Variants in SSX3 observed in about 807,000 individuals in gnomAD.
SSX3 encodes protein SSX3.
A neutral mutation model predicts 14.8 loss-of-function variants in SSX3; 6 were observed. The observed-to-expected ratio is 0.41, with a 90% CI of 0.22 to 0.80. SSX3 has a LOEUF of 0.80. Among genes scored for constraint, SSX3 ranks in the 30% least tolerant of loss-of-function variants. The probability of loss-of-function intolerance (pLI) is 0.34; values close to 1 mark genes in which losing one functional copy is unlikely to be tolerated. For synonymous variants in SSX3, 55 were observed against 52.9 expected (o/e 1.04, Z -0.18); for missense variants, 163 against 152.2 (o/e 1.07, Z -0.37).
intron 6 of SSX3, among the ~76,000 whole-genome samples, chrX:48,348,832 A>C (rs2061249353): frequency 8.9e-6 from 1 of 112,463 alleles, no homozygotes; most frequent in Non-Finnish European, 1.9e-5. Flanking sequence ...CTTAAGCCAA[A>C]GTCTAATTCA....
Position 48,355,037 on chromosome X carries a change from T to TGA in SSX3, c.69+142_69+143dup, listed in dbSNP as rs1346730934. ...CCAGGGATGCTAGGTGATGACAGAG[T>TGA]GAGGGTGGGAGGCTCCCAAGGGTCC... is the stretch of plus-strand genomic sequence containing the variant. On this transcript the variant is annotated intron_variant, in intron 2 of 7. Coordinates refer to ENST00000298396, the MANE Select transcript of SSX3 (RefSeq NM_021014.4). 1.6e-5 allele frequency: 19 copies of TGA among 1,200,563 alleles called. No homozygotes were observed. The African/African-American group carries it at 3.3e-4, about 21-fold the overall frequency.
At chrX:48,347,414 G>C (rs1470811437) in intron 7 of SSX3, 86 bp downstream of exon 7, 5 of 1,160,466 alleles carry the variant, frequency 4.3e-6, no homozygotes, top group African/African-American at 3.6e-5. Flanking sequence ...GAATGATTTG[G>C]GGAGCAAGTG....
chrX:48,352,331 A>C (rs1251964825), intron 4 of SSX3, 182 bp from the exon 5 acceptor site: 3 of 529,754 alleles, frequency 5.7e-6, no homozygotes, highest in East Asian at 4.0e-5. Context: ...CTGTGGCATC[A>C]ATTCAGAATT....
Position 48,346,959 on chromosome X carries a change from G to A in SSX3, c.*81C>T, listed in dbSNP as rs1177513668. ...CTTGCTATGCACCTGATGACGAGGG[G>A]TCCACAGCCATGCCCATGTTCGTGA... On this transcript the variant is annotated 3_prime_UTR_variant, in exon 8 of 8. Coordinates refer to ENST00000298396, the MANE Select transcript of SSX3 (RefSeq NM_021014.4). The A allele has an allele frequency of 1.7e-6, 2 of 1,193,905 alleles. No individual in the cohort carries two copies. The highest frequency in any genetic ancestry group is 3.5e-5 in the African/African-American group (2 of 56,873).
chrX:48,352,860 T>G (rs1556950182), intron 4 of SSX3, among the ~76,000 whole-genome samples: 1 of 112,375 alleles, frequency 8.9e-6, no homozygotes, highest in Non-Finnish European at 1.9e-5. Flanking sequence ...CATCCTATGT[T>G]ATCTCTGTTC....
intron 3 of SSX3, 89 bp from the exon 4 acceptor site, chrX:48,354,183 C>T: frequency 1.2e-6 from 1 of 842,669 alleles, no homozygotes; most frequent in Non-Finnish European, 1.8e-6. Flanking sequence ...CTTTGGGAGG[C>T]TAAGGCTGGA....
At chrX:48,351,264 C>T (rs1556949788) in intron 5 of SSX3, among the ~76,000 whole-genome samples, 1 of 111,933 alleles carries the variant, frequency 8.9e-6, no homozygotes, top group Non-Finnish European at 1.9e-5. Context: ...CTTTACCCTC[C>T]AAACCAGAGT....
At chrX:48,355,302 G>A (rs782753901) in intron 1 of SSX3, 33 bp from the exon 2 acceptor site, 75 of 1,166,468 alleles carry the variant, frequency 6.4e-5, no homozygotes, top group African/African-American at 1.4e-4. Flanking sequence ...CTTTCCAGCC[G>A]CAGGACCTTT....
At position 48,354,701 on chromosome X, in the gene SSX3, T is replaced by C; in HGVS notation, c.115A>G (p.Lys39Glu). The C allele has an allele frequency of 8.3e-7, 1 of 1,209,342 alleles. No individual in the cohort carries two copies. The highest frequency in any genetic ancestry group is 1.1e-6 in the Non-Finnish European group (1 of 894,208). The stretch of plus-strand genomic sequence containing the variant: ...ACGATTTTCTCCGAGACTTTCATCT[T>C]TTCCCACTCTTCCTTAGAGAAGTAT... The part of the protein sequence containing the change: ...AKYFSKEEWE[K>E]MKVSEKIVYV... The change falls in exon 3 of 8, where the codon AAG becomes GAG. Residue 39 changes from lysine to glutamate, a missense_variant. By Grantham distance (56) the Lys-to-Glu change is moderately conservative. Coordinates refer to ENST00000298396, the MANE Select transcript of SSX3 (RefSeq NM_021014.4).
chrX:48,356,513 A>C (rs2061288376), intron 1 of SSX3, 121 bp downstream of exon 1: 1 of 111,559 alleles, frequency 9.0e-6, no homozygotes, highest in South Asian at 3.8e-4. Flanking sequence ...AGAAACTGAC[A>C]GGAAAGATTT....
At chrX:48,352,266 G>A (rs1556950071) in intron 4 of SSX3, 117 bp from the exon 5 acceptor site, 3 of 885,162 alleles carry the variant, frequency 3.4e-6, no homozygotes, top group Admixed American at 2.4e-5. Context: ...GCATTGTTGA[G>A]GAGTTATTTC....
intron 5 of SSX3, among the ~76,000 whole-genome samples, chrX:48,351,233 G>T (rs1434630314): frequency 1.3e-4 from 14 of 111,592 alleles, no homozygotes; most frequent in Admixed American, 6.7e-4. Flanking sequence ...TCTCCACACT[G>T]GCAACCCAAC....
intron 5 of SSX3, among the ~76,000 whole-genome samples, 162 bp from the exon 6 acceptor site, chrX:48,350,284 G>A (rs1396481752): frequency 9.0e-6 from 1 of 111,153 alleles, no homozygotes; most frequent in Non-Finnish European, 1.9e-5. Flanking sequence ...GGGGAGGTTA[G>A]AAGGGAAAGG....
At chrX:48,349,795 G>GT (rs200218939) in intron 6 of SSX3, 192 bp downstream of exon 6, 78 of 1,118,405 alleles carry the variant, frequency 7.0e-5, no homozygotes, top group Admixed American at 3.3e-4. Context: ...AAGTCACGTG[G>GT]TTTTTTTTTA....
In SSX3 at chrX:48,355,519, G is replaced by A. The variant is rs148553901; in HGVS notation, c.-20-250C>T. Among the ~76,000 whole-genome samples, 847 of 111,128 alleles carry A rather than the reference G, an allele frequency of 7.6e-3. 7 individuals are homozygous for A. Among genetic ancestry groups the A allele is most frequent in the African/African-American group, 0.026 (801 of 30,612 alleles). On this transcript the variant is annotated intron_variant, in intron 1 of 7. Transcript: ENST00000298396. ...CAAAGCAGCCTTGAGTCTTTGGGAG[G>A]GGGTTGGCTAATGTTGTTAGTAATT...
intron 4 of SSX3, among the ~76,000 whole-genome samples, chrX:48,353,396 G>A (rs782014303): frequency 1.0e-3 from 111 of 110,936 alleles, no homozygotes; most frequent in Non-Finnish European, 1.8e-3. Flanking sequence ...GGCTGAGGCG[G>A]GTGGATCACC....
chrX:48,355,384 T>C (rs1280095178), intron 1 of SSX3, 115 bp from the exon 2 acceptor site: 114 of 704,771 alleles, frequency 1.6e-4, no homozygotes, highest in Non-Finnish European at 2.4e-4. Context: ...CATTTCTCCA[T>C]CCGGGGCTTA....
At chrX:48,349,488 T>C in intron 6 of SSX3, 1 of 1,195,151 alleles carries the variant, frequency 8.4e-7, no homozygotes, top group South Asian at 1.8e-5. Flanking sequence ...CACTGTAGTG[T>C]AAACATAACG....
At position 48,354,764 on chromosome X, in the gene SSX3, A is replaced by AAT. The variant is rs199781744; in HGVS notation, c.70-19_70-18insAT. The AAT allele has an allele frequency of 7.8e-5, 92 of 1,185,346 alleles. No individual in the cohort carries two copies. The African/African-American group carries it at 1.4e-3, about 19-fold the overall frequency. On this transcript the variant is annotated intron_variant, in intron 2 of 7. Coordinates refer to ENST00000298396, the MANE Select transcript of SSX3 (RefSeq NM_021014.4). ...TCGAAGGCCTACAAAAAAAAAAAAA[A>AAT]GGAATTATGGCAGGGACTCAGCTAG... is the stretch of plus-strand genomic sequence containing the variant.
Sources: allele counts gnomAD v4.1 joint callset (sites outside exome capture counted in the v4.1 genomes callset), GRCh38; gene constraint gnomAD v4.1.1; transcripts MANE v1.5; gene names NCBI Gene and HGNC (gene_info 2026-07-23, HGNC 2026-07-21).